The following SIPA1L1 variants were observed in gnomAD, a reference collection of about 807,000 sequenced individuals.
SIPA1L1 encodes signal induced proliferation associated 1 like 1.
SIPA1L1 carries 26 observed loss-of-function variants against 162.7 expected under a neutral mutation model. The ratio of observed to expected loss-of-function variants is 0.16; its 90% CI spans 0.12 to 0.22. The LOEUF (loss-of-function observed/expected upper bound fraction) is 0.22, where lower values mean the gene tolerates loss of function less well. Among genes scored for constraint, SIPA1L1 ranks in the 10% least tolerant of loss-of-function variants. The probability of loss-of-function intolerance (pLI) is 1.00; values close to 1 mark genes in which losing one functional copy is unlikely to be tolerated. For missense variants in SIPA1L1, 1,874 were observed against 2,241.0 expected (o/e 0.84, Z 3.31); for synonymous variants, 829 against 837.4 (o/e 0.99, Z 0.17).
intron 4 of SIPA1L1, among the ~76,000 whole-genome samples, chr14:71,535,492 T>A (rs1008886838): frequency 6.6e-6 from 1 of 152,190 alleles, no homozygotes; most frequent in African/African-American, 2.4e-5. Context: ...AACATACTTT[T>A]AAAAGGAATG....
intron 7 of SIPA1L1, among the ~76,000 whole-genome samples, chr14:71,634,496 G>A (rs2040924685): frequency 6.6e-6 from 1 of 151,324 alleles, no homozygotes; most frequent in African/African-American, 2.4e-5. Flanking sequence ...GAAGGAAGTG[G>A]CATGATAATT....
In SIPA1L1 at chr14:71,530,744, A is replaced by G. The variant is rs563244301; in HGVS notation, c.-303+1374A>G. On this transcript the variant is annotated intron_variant, in intron 4 of 23. Coordinates refer to ENST00000381232, the MANE Select transcript of SIPA1L1 (RefSeq NM_001386936.1). ...TCCCTTTCTTAATCCCCAAGAAGCC[A>G]CTATCCTGGTTTTGGTCTTTATTAT... is the stretch of plus-strand genomic sequence containing the variant. Among the ~76,000 whole-genome samples the G allele has an allele frequency of 5.3e-5, 8 of 152,296 alleles. No individual in the cohort carries two copies. In the East Asian group the frequency reaches 1.2e-3, roughly 22 times the overall value.
At chr14:71,647,739 T>G (rs1479966044) in intron 7 of SIPA1L1, among the ~76,000 whole-genome samples, 1 of 152,206 alleles carries the variant, frequency 6.6e-6, no homozygotes, top group African/African-American at 2.4e-5. Flanking sequence ...TTTTTATTTG[T>G]TGAGACCTAA....
chr14:71,684,603 G>A (rs1361402967), intron 12 of SIPA1L1, among the ~76,000 whole-genome samples: 10 of 152,194 alleles, frequency 6.6e-5, no homozygotes, highest in African/African-American at 2.4e-4. Flanking sequence ...ATGTGAAGCT[G>A]CGCATACACC....
At chr14:71,436,171 G>A (rs1391712196) in intron 2 of SIPA1L1, among the ~76,000 whole-genome samples, 2 of 152,138 alleles carry the variant, frequency 1.3e-5, no homozygotes, top group Non-Finnish European at 2.9e-5. Flanking sequence ...TGGAAATAAT[G>A]TTTTTATATA....
chr14:71,516,127 T>G (rs1483410260), intron 3 of SIPA1L1, among the ~76,000 whole-genome samples: 1 of 152,216 alleles, frequency 6.6e-6, no homozygotes, highest in Non-Finnish European at 1.5e-5. Context: ...TCAGGTCAGC[T>G]TGGCAATGGT....
At chr14:71,736,563 C>T (rs370660358) in intron 22 of SIPA1L1, among the ~76,000 whole-genome samples, 1 of 152,112 alleles carries the variant, frequency 6.6e-6, no homozygotes, top group African/African-American at 2.4e-5. Context: ...GTGCTCTCAA[C>T]GAGAAGGCAC....
At chr14:71,579,978 G>C (rs1418517849) in intron 4 of SIPA1L1, among the ~76,000 whole-genome samples, 2 of 150,644 alleles carry the variant, frequency 1.3e-5, no homozygotes, top group Non-Finnish European at 3.0e-5. Flanking sequence ...ATGGCGCCCT[G>C]TGTCACTGAC....
At position 71,324,273 on chromosome 14, in the gene SIPA1L1, C is replaced by T. The variant is rs1039513080; in HGVS notation, c.-465+3092C>T. Among the ~76,000 whole-genome samples the T allele has an allele frequency of 8.7e-4, 132 of 152,168 alleles. 1 individual carries two copies. The highest frequency in any genetic ancestry group is 5.9e-5 in the Non-Finnish European group (4 of 68,020). ...CATTTGGCTCATGTTTCCCATTTTA[C>T]GTATGAGGAAACTGAAGCCCAGAAA... On this transcript the variant is annotated intron_variant, in intron 2 of 23. Coordinates refer to ENST00000381232, the MANE Select transcript of SIPA1L1 (RefSeq NM_001386936.1).
At chr14:71,690,422 T>G (rs935577792) in intron 13 of SIPA1L1, among the ~76,000 whole-genome samples, 1 of 151,972 alleles carries the variant, frequency 6.6e-6, no homozygotes. Flanking sequence ...TTGAAATGAT[T>G]TTTTTTATAG....
intron 12 of SIPA1L1, among the ~76,000 whole-genome samples, chr14:71,679,544 A>G (rs1249305705): frequency 6.6e-6 from 1 of 152,216 alleles, no homozygotes; most frequent in Non-Finnish European, 1.5e-5. Flanking sequence ...CAAAATAACC[A>G]GCTAACATCA....
chr14:71,354,269 C>A, intron 2 of SIPA1L1, among the ~76,000 whole-genome samples: 1 of 150,630 alleles, frequency 6.6e-6, no homozygotes, highest in Non-Finnish European at 1.5e-5. Context: ...CCTAGAGATA[C>A]TTCATTTGTT....
intron 2 of SIPA1L1, among the ~76,000 whole-genome samples, chr14:71,379,229 G>A (rs182531446): frequency 3.3e-4 from 49 of 150,258 alleles, no homozygotes; most frequent in Middle Eastern, 6.9e-3. Flanking sequence ...CATGTTCTTT[G>A]TTGTCATTTC....
At chr14:71,381,213 C>A (rs375163638) in intron 2 of SIPA1L1, among the ~76,000 whole-genome samples, 2 of 152,004 alleles carry the variant, frequency 1.3e-5, no homozygotes, top group Non-Finnish European at 2.9e-5. Flanking sequence ...CCACGGTGCC[C>A]GGCTAATTTT....
At chr14:71,549,028 G>C (rs781279969) in intron 4 of SIPA1L1, among the ~76,000 whole-genome samples, 10 of 152,032 alleles carry the variant, frequency 6.6e-5, no homozygotes, top group Non-Finnish European at 1.2e-4. Context: ...ACCCAAGTCT[G>C]CTTTTTCTCT....
chr14:71,581,607 A>T (rs2033936219), intron 4 of SIPA1L1, among the ~76,000 whole-genome samples: 1 of 152,198 alleles, frequency 6.6e-6, no homozygotes, highest in Non-Finnish European at 1.5e-5. Flanking sequence ...TGTTCAATTT[A>T]CAGTATTGGG....
intron 10 of SIPA1L1, 55 bp from the exon 11 acceptor site, chr14:71,671,064 G>A: frequency 7.4e-7 from 1 of 1,351,766 alleles, no homozygotes; most frequent in Non-Finnish European, 1.0e-6. Flanking sequence ...ATTTTATTCT[G>A]ATGTTGTGAG....
chr14:71,687,646 T>C (rs2080967447), intron 13 of SIPA1L1, among the ~76,000 whole-genome samples: 1 of 152,238 alleles, frequency 6.6e-6, no homozygotes, highest in South Asian at 2.1e-4. Flanking sequence ...CTGAGTATCA[T>C]ATTTCGATGG....
intron 22 of SIPA1L1, among the ~76,000 whole-genome samples, chr14:71,737,845 G>C (rs1168077269): frequency 6.6e-6 from 1 of 152,010 alleles, no homozygotes; most frequent in Non-Finnish European, 1.5e-5. Context: ...CACACACAGG[G>C]GAGTAACTCC....
Sources: allele counts gnomAD v4.1 joint callset (sites outside exome capture counted in the v4.1 genomes callset), GRCh38; gene constraint gnomAD v4.1.1; transcripts MANE v1.5; gene names NCBI Gene and HGNC (gene_info 2026-07-23, HGNC 2026-07-21).